The following TEX26 variants were observed in gnomAD, a reference collection of about 807,000 sequenced individuals.
The protein encoded by TEX26 is testis expressed 26.
TEX26 carries 34 observed loss-of-function variants against 35.3 expected under a neutral mutation model. That is an observed-to-expected ratio of 0.96 (90% CI 0.73 to 1.28). TEX26 has a LOEUF of 1.28. Among genes scored for constraint, TEX26 ranks in the 50% most tolerant of loss-of-function variants. The probability of loss-of-function intolerance (pLI) is 0.00; values close to 1 mark genes in which losing one functional copy is unlikely to be tolerated. For synonymous variants in TEX26, 136 were observed against 111.8 expected, an observed-to-expected ratio of 1.22 and a Z score of -1.36; for missense variants, 371 against 330.1, an observed-to-expected ratio of 1.12 and a Z score of -0.96.
chr13:30,939,274 A>C (rs1304858052), intron 1 of TEX26, among the ~76,000 whole-genome samples: 12 of 152,302 alleles, frequency 7.9e-5, no homozygotes, highest in Admixed American at 7.2e-4. Context: ...TCCATTATAA[A>C]ACTTGATGTG....
intron 2 of TEX26, among the ~76,000 whole-genome samples, chr13:30,941,821 C>T (rs757727418): frequency 3.3e-5 from 5 of 152,042 alleles, no homozygotes; most frequent in Admixed American, 2.0e-4. Context: ...CAAGTTGCTG[C>T]GAAAGACATT....
At position 30,966,427 on chromosome 13, in the gene TEX26, T is replaced by G. The variant is rs1434218677; in HGVS notation, c.646+29T>G. 5 of 1,498,602 alleles carry G rather than the reference T, an allele frequency of 3.3e-6. No homozygotes were observed. In the African/African-American group the frequency reaches 8.2e-5, roughly 25 times the overall value. 92.8% of individuals were successfully genotyped at this position (1,498,602 alleles called of 1,614,324 possible). A position where few individuals can be genotyped will look rare whatever the true frequency, so the allele number is the denominator to read the frequency against. Reference sequence around the variant, plus strand: ...AGTACAGCTGCAGTTTCTTTTTCTTTTTCTCTTTTTTTTTTTTTTTTTTTT... The same window carrying G: ...AGTACAGCTGCAGTTTCTTTTTCTTGTTCTCTTTTTTTTTTTTTTTTTTTT... On this transcript the variant is annotated intron_variant, in intron 5 of 6. Transcript: ENST00000380473.
chr13:30,945,623 G>A (rs555492865), intron 2 of TEX26, among the ~76,000 whole-genome samples: 14 of 151,904 alleles, frequency 9.2e-5, no homozygotes, highest in African/African-American at 3.4e-4. Context: ...TTCTTGTAGG[G>A]CTGGTCTGGT....
intron 1 of TEX26, among the ~76,000 whole-genome samples, chr13:30,935,830 G>T (rs896623250): frequency 8.5e-5 from 13 of 152,156 alleles, no homozygotes; most frequent in African/African-American, 2.7e-4. Context: ...CCTCAATGCG[G>T]GACAAAAACT....
intron 2 of TEX26, among the ~76,000 whole-genome samples, chr13:30,940,321 CCTTTTTTTT>C (rs1953433007): frequency 1.4e-5 from 1 of 73,768 alleles, no homozygotes; most frequent in Non-Finnish European, 2.7e-5. Context: ...ACATCAGCTG[CCTTTTTTTT>C]TTTTTTTTTT....
intron 3 of TEX26, 69 bp from the exon 4 acceptor site, chr13:30,956,804 C>A: frequency 1.5e-6 from 2 of 1,371,620 alleles, no homozygotes; most frequent in South Asian, 1.2e-5. Flanking sequence ...TGCACACAGA[C>A]ACTCAGATTA....
intron 6 of TEX26, among the ~76,000 whole-genome samples, chr13:30,973,701 C>T (rs753060623): frequency 5.9e-5 from 9 of 152,124 alleles, no homozygotes; most frequent in Non-Finnish European, 1.2e-4. Flanking sequence ...CTATGGGCCT[C>T]CACTGGCATT....
At chr13:30,973,964 T>C (rs912523504) in intron 6 of TEX26, among the ~76,000 whole-genome samples, 14 of 150,670 alleles carry the variant, frequency 9.3e-5, no homozygotes, top group Non-Finnish European at 1.2e-4. Flanking sequence ...ATACTAAAAG[T>C]ACAAAAATTA....
chr13:30,948,157 G>A (rs1953785075), intron 2 of TEX26, among the ~76,000 whole-genome samples: 5 of 152,120 alleles, frequency 3.3e-5, no homozygotes, highest in African/African-American at 1.2e-4. Flanking sequence ...CATTTGGGTT[G>A]GTTCCTAGTC....
intron 6 of TEX26, chr13:30,973,170 T>A (rs1954768561): frequency 6.6e-6 from 1 of 152,260 alleles, no homozygotes; most frequent in Non-Finnish European, 1.5e-5. Context: ...CAAACTGTGA[T>A]ATATTCATAT....
intron 2 of TEX26, among the ~76,000 whole-genome samples, chr13:30,951,352 T>C (rs1254525084): frequency 1.4e-5 from 1 of 72,000 alleles, no homozygotes. Flanking sequence ...CAAGACTCTG[T>C]CTCAAAAAAA....
At chr13:30,953,454 T>C (rs1954006463) in intron 3 of TEX26, among the ~76,000 whole-genome samples, 1 of 152,226 alleles carries the variant, frequency 6.6e-6, no homozygotes, top group Non-Finnish European at 1.5e-5. Flanking sequence ...TTGAATAATA[T>C]TCTCTTCCGC....
intron 2 of TEX26, among the ~76,000 whole-genome samples, chr13:30,944,917 G>A (rs1953647667): frequency 6.6e-6 from 1 of 151,964 alleles, no homozygotes; most frequent in African/African-American, 2.4e-5. Flanking sequence ...TGTATATTCT[G>A]CAATTCTTGG....
chr13:30,950,918 G>A (rs948607395), intron 2 of TEX26, among the ~76,000 whole-genome samples: 2 of 152,244 alleles, frequency 1.3e-5, no homozygotes, highest in Non-Finnish European at 2.9e-5. Flanking sequence ...GGAGAATCAG[G>A]CAAGGGGTAA....
chr13:30,949,022 G>A (rs972674647), intron 2 of TEX26, among the ~76,000 whole-genome samples: 1 of 152,008 alleles, frequency 6.6e-6, no homozygotes, highest in Non-Finnish European at 1.5e-5. Flanking sequence ...GCTTGTTTTT[G>A]TCAGGTTTGT....
chr13:30,961,506 A>G (rs1486954613), intron 4 of TEX26, among the ~76,000 whole-genome samples: 1 of 151,012 alleles, frequency 6.6e-6, no homozygotes, highest in Non-Finnish European at 1.5e-5. Flanking sequence ...ACTTTGCTCA[A>G]TCAGTTGCTA....
intron 2 of TEX26, among the ~76,000 whole-genome samples, chr13:30,947,003 A>G (rs1953734393): frequency 6.6e-6 from 1 of 151,976 alleles, no homozygotes; most frequent in African/African-American, 2.4e-5. Context: ...CTGCTGTGAT[A>G]TATTTTATGT....
intron 1 of TEX26, among the ~76,000 whole-genome samples, chr13:30,939,351 T>C (rs1781719582): frequency 6.6e-6 from 1 of 152,234 alleles, no homozygotes; most frequent in African/African-American, 2.4e-5. Context: ...ATGATGCATG[T>C]AAAGTTGGTG....
At chr13:30,965,006 G>A (rs1954477497) in intron 4 of TEX26, among the ~76,000 whole-genome samples, 1 of 152,176 alleles carries the variant, frequency 6.6e-6, no homozygotes, top group Non-Finnish European at 1.5e-5. Context: ...AGTTATAGAT[G>A]GAAGTTACAG....
Sources: gnomAD v4.1 joint callset for allele counts (sites outside exome capture counted in the v4.1 genomes callset) on GRCh38, gnomAD v4.1.1 for gene constraint, MANE v1.5 for transcripts, NCBI Gene and HGNC (gene_info 2026-07-23, HGNC 2026-07-21) for gene names.